The following CACNG2 variants were observed in gnomAD, a reference collection of about 807,000 sequenced individuals.
CACNG2 encodes calcium voltage-gated channel auxiliary subunit gamma 2, also known as voltage-dependent calcium channel gamma-2 subunit.
Under a neutral mutation model 25.9 loss-of-function variants are expected in CACNG2, and 3 were observed. That is an observed-to-expected ratio of 0.12 (90% CI 0.05 to 0.30). The LOEUF (loss-of-function observed/expected upper bound fraction) is 0.30. CACNG2 is among the 10% of genes least tolerant of loss of function. The pLI is 1.00. For missense variants in CACNG2, 341 were observed against 432.5 expected, an observed-to-expected ratio of 0.79 and a Z score of 1.88; for synonymous variants, 167 against 173.3, an observed-to-expected ratio of 0.96 and a Z score of 0.29.
chr22:36,687,713 T>A (rs906441261), intron 1 of CACNG2, among the ~76,000 whole-genome samples: 6 of 152,194 alleles, frequency 3.9e-5, no homozygotes, highest in Non-Finnish European at 7.4e-5. Context: ...GAGATTATCC[T>A]GGATTATCTG....
intron 1 of CACNG2, among the ~76,000 whole-genome samples, chr22:36,597,652 G>T (rs144579192): frequency 6.6e-6 from 1 of 152,162 alleles, no homozygotes; most frequent in Non-Finnish European, 1.5e-5. Flanking sequence ...TTTCTTGATT[G>T]CCCTTAGCTG....
chr22:36,590,974 G>C lies in CACNG2; in HGVS notation c.212-3426C>G, dbSNP rs905994303. On this transcript the variant is annotated intron_variant, in intron 1 of 3. Coordinates refer to ENST00000300105, the MANE Select transcript of CACNG2 (RefSeq NM_006078.5). Reference sequence around the variant, plus strand: ...TCTCCTAACCTCCTTCTGCCTCCCTGCACTGTGCTACTGGGGTGTCCTCCA... The same window carrying C: ...TCTCCTAACCTCCTTCTGCCTCCCTCCACTGTGCTACTGGGGTGTCCTCCA... 2.0e-5 allele frequency among the ~76,000 whole-genome samples: 3 copies of C among 151,980 alleles called. No individual in the cohort carries two copies. The East Asian group carries it at 5.8e-4, about 29-fold the overall frequency.
intron 1 of CACNG2, among the ~76,000 whole-genome samples, chr22:36,661,475 A>G (rs1936793880): frequency 6.6e-6 from 1 of 152,088 alleles, no homozygotes; most frequent in Non-Finnish European, 1.5e-5. Flanking sequence ...TTCAGTGTGG[A>G]CTTGAACCGT....
At chr22:36,590,074 T>C (rs1442493223) in intron 1 of CACNG2, among the ~76,000 whole-genome samples, 1 of 152,120 alleles carries the variant, frequency 6.6e-6, no homozygotes, top group Non-Finnish European at 1.5e-5. Flanking sequence ...AGGACAGAGC[T>C]TCACCCAGCA....
rs575006089 is a variant in CACNG2, at chr22:36,623,578, C to G, written c.212-36030G>C. ...CACCAAGTGAGTTAGTACAAGAGTG[C>G]CTGGCCAGAGTCTGCCCCCGGTGAC... On this transcript the variant is annotated intron_variant, in intron 1 of 3. Coordinates refer to ENST00000300105, the MANE Select transcript of CACNG2 (RefSeq NM_006078.5). Among the ~76,000 whole-genome samples, 6 of 152,172 alleles carry G rather than the reference C, an allele frequency of 3.9e-5. No homozygotes were observed. In the South Asian group the frequency reaches 1.0e-3, roughly 26 times the overall value.
chr22:36,616,571 T>G (rs5750277), intron 1 of CACNG2, among the ~76,000 whole-genome samples: 13,375 of 152,128 alleles, frequency 0.088, 807 homozygotes, highest in East Asian at 0.23. Context: ...GTGACTGTTT[T>G]CCTTTTTCAT....
chr22:36,653,408 C>T (rs1036563093), intron 1 of CACNG2, among the ~76,000 whole-genome samples: 1 of 127,400 alleles, frequency 7.8e-6, no homozygotes, highest in Non-Finnish European at 1.5e-5. Flanking sequence ...GAATATTTGG[C>T]TTCCTTTGAA....
chr22:36,586,676 G>A (rs1005499499), intron 2 of CACNG2, among the ~76,000 whole-genome samples: 48 of 152,320 alleles, frequency 3.2e-4, no homozygotes, highest in African/African-American at 1.0e-3. Context: ...GAGCAGAGGC[G>A]GGGTTGCTCC....
intron 1 of CACNG2, among the ~76,000 whole-genome samples, chr22:36,682,847 C>T (rs1937143245): frequency 6.6e-6 from 1 of 152,188 alleles, no homozygotes; most frequent in African/African-American, 2.4e-5. Context: ...GACAAATCTT[C>T]CCGGCATGGA....
intron 1 of CACNG2, among the ~76,000 whole-genome samples, chr22:36,674,009 G>A (rs2284007): frequency 0.38 from 58,140 of 152,058 alleles, 12,558 homozygotes; most frequent in African/African-American, 0.58. Context: ...CTGGTGTGCC[G>A]CGGGCAGCCG....
At chr22:36,566,197 C>A (rs1238911089) in intron 3 of CACNG2, among the ~76,000 whole-genome samples, 156 bp downstream of exon 3, 1 of 152,034 alleles carries the variant, frequency 6.6e-6, no homozygotes, top group Non-Finnish European at 1.5e-5. Flanking sequence ...GGACAGGAGC[C>A]CCCCCACCAC....
At chr22:36,634,766 A>G (rs1224490136) in intron 1 of CACNG2, among the ~76,000 whole-genome samples, 4 of 152,218 alleles carry the variant, frequency 2.6e-5, no homozygotes, top group African/African-American at 4.8e-5. Context: ...AGTATAAAAC[A>G]TAGTCCCAGA....
intron 1 of CACNG2, among the ~76,000 whole-genome samples, chr22:36,629,378 C>T (rs1260228078): frequency 6.6e-6 from 1 of 152,150 alleles, no homozygotes; most frequent in Non-Finnish European, 1.5e-5. Context: ...GTAGCCCCAT[C>T]CCCAGGGAGC....
chr22:36,620,888 T>C (rs987040133), intron 1 of CACNG2, among the ~76,000 whole-genome samples: 1 of 152,210 alleles, frequency 6.6e-6, no homozygotes, highest in Non-Finnish European at 1.5e-5. Context: ...CTGATTTGAG[T>C]TGCACTTCCT....
chr22:36,632,086 C>T (rs1311548719), intron 1 of CACNG2, among the ~76,000 whole-genome samples: 1 of 152,104 alleles, frequency 6.6e-6, no homozygotes, highest in Non-Finnish European at 1.5e-5. Context: ...ATGATGGAAC[C>T]TCTGTATTTA....
At position 36,564,998 on chromosome 22, in the gene CACNG2, C is replaced by T. The variant is rs371714065; in HGVS notation, c.437-112G>A. The T allele has an allele frequency of 7.7e-6, 7 of 908,648 alleles. No homozygotes were observed. In the East Asian group the frequency reaches 1.2e-4, roughly 16 times the overall value. The allele number at this position is 908,648 out of a possible 1,614,324, so 56.3% of individuals were successfully genotyped here. A position where few individuals can be genotyped will look rare whatever the true frequency, so the allele number is the denominator to read the frequency against. ...CGGGGACAGCTGTGTGGGCCTTCCC[C>T]GGTCCCGCGCCTTCATGAACAGGTG... On this transcript the variant is annotated intron_variant, in intron 3 of 3. Transcript: ENST00000300105. This position sits in a 1 kb window ranked among gnomAD's most constrained non-coding sequence, Gnocchi z 6.7.
intron 2 of CACNG2, among the ~76,000 whole-genome samples, chr22:36,586,095 T>C (rs1176100339): frequency 1.3e-5 from 2 of 152,230 alleles, no homozygotes; most frequent in Non-Finnish European, 2.9e-5. Flanking sequence ...CCTTCTACAT[T>C]CAGGCCTCAC....
intron 1 of CACNG2, among the ~76,000 whole-genome samples, chr22:36,604,745 A>C (rs1244923097): frequency 6.6e-6 from 1 of 152,252 alleles, no homozygotes; most frequent in African/African-American, 2.4e-5. Context: ...ACATAATGCT[A>C]TTGCACACTT....
chr22:36,685,343 G>A (rs1394040275), intron 1 of CACNG2, among the ~76,000 whole-genome samples: 6 of 152,024 alleles, frequency 3.9e-5, no homozygotes, highest in East Asian at 1.9e-4. Context: ...GCCTCTGCCC[G>A]CCTTCTCACG....
Sources: allele counts gnomAD v4.1 joint callset (sites outside exome capture counted in the v4.1 genomes callset), GRCh38; gene constraint gnomAD v4.1.1; non-coding constraint Gnocchi (gnomAD v3.1); transcripts MANE v1.5; gene names NCBI Gene and HGNC (gene_info 2026-07-23, HGNC 2026-07-21).